Variants in PAK1 observed in about 807,000 individuals in gnomAD.
PAK1 encodes serine/threonine-protein kinase PAK 1.
A neutral mutation model predicts 67.4 loss-of-function variants in PAK1; 29 were observed. That is an observed-to-expected ratio of 0.43 (90% CI 0.32 to 0.59). The LOEUF is 0.59. PAK1 is among the 20% of genes least tolerant of loss of function. PAK1 has a pLI of 0.07. For synonymous variants in PAK1, 223 were observed against 237.4 expected (o/e 0.94, Z 0.56); for missense variants, 337 against 670.7 (o/e 0.50, Z 5.50).
chr11:77,437,400 T>C (rs72941685), intron 1 of PAK1, among the ~76,000 whole-genome samples: 1,539 of 152,304 alleles, frequency 0.01, 9 homozygotes, highest in Non-Finnish European at 0.015. Context: ...ATTATGAGGA[T>C]TAAATAAAGG....
chr11:77,401,745 C>T (rs1952714997), intron 1 of PAK1, among the ~76,000 whole-genome samples: 1 of 152,186 alleles, frequency 6.6e-6, no homozygotes, highest in Non-Finnish European at 1.5e-5. Context: ...GAAACCTTCA[C>T]AGAAGCCCCC....
chr11:77,326,544 G>A (rs1309139553), intron 14 of PAK1, among the ~76,000 whole-genome samples: 1 of 152,114 alleles, frequency 6.6e-6, no homozygotes, highest in Non-Finnish European at 1.5e-5. Context: ...AATTAGGCAG[G>A]TATGGTGGTG....
intron 11 of PAK1, among the ~76,000 whole-genome samples, chr11:77,339,159 C>T (rs1012023869): frequency 6.6e-6 from 1 of 152,096 alleles, no homozygotes; most frequent in Non-Finnish European, 1.5e-5. Flanking sequence ...ACAACATTAA[C>T]ATTTTTTTCC....
the PAK1 span, among the ~76,000 whole-genome samples, chr11:77,509,680 T>C: frequency 6.6e-6 from 1 of 152,164 alleles, no homozygotes; most frequent in African/African-American, 2.4e-5. Context: ...TTTGGCGCTG[T>C]CTTTGTGATC....
In PAK1 at chr11:77,358,944, GCAT is replaced by G. The variant is rs149665907; in HGVS notation, c.548_550del (p.Asp183del). On this transcript the variant is annotated inframe_deletion, in exon 6 of 15. Transcript: ENST00000356341. Reference sequence around the variant, plus strand: ...TGGAGCAATCACTGGTGGTGGGGTAGCATCATCATCATCATCATCCTCATCTTC... The same window carrying G: ...TGGAGCAATCACTGGTGGTGGGGTAGCATCATCATCATCATCCTCATCTTC... 92 of 1,609,980 alleles carry G rather than the reference GCAT, an allele frequency of 5.7e-5. No individual in the cohort carries two copies. The highest frequency in any genetic ancestry group is 1.7e-4 in the Middle Eastern group (1 of 6,060).
At chr11:77,511,671 C>A in the PAK1 span, among the ~76,000 whole-genome samples, 1 of 152,162 alleles carries the variant, frequency 6.6e-6, no homozygotes, top group Non-Finnish European at 1.5e-5. Context: ...CTGAATAGCA[C>A]TGAAACACAG....
chr11:77,382,659 T>C (rs1949982609), intron 2 of PAK1, among the ~76,000 whole-genome samples: 1 of 152,186 alleles, frequency 6.6e-6, no homozygotes, highest in Admixed American at 6.5e-5. Context: ...ACTTCTGAAT[T>C]TCAATACAGC....
At chr11:77,326,930 A>G (rs1466848964) in intron 14 of PAK1, among the ~76,000 whole-genome samples, 3 of 152,222 alleles carry the variant, frequency 2.0e-5, no homozygotes, top group Non-Finnish European at 4.4e-5. Context: ...AATGCAGACA[A>G]GTCCTTAAAG....
intron 1 of PAK1, among the ~76,000 whole-genome samples, chr11:77,470,995 A>T (rs556982268): frequency 1.6e-4 from 25 of 152,362 alleles, no homozygotes; most frequent in African/African-American, 5.5e-4. Flanking sequence ...ATTCCTATTC[A>T]TTCTGAGAAC....
chr11:77,506,567 G>A, the PAK1 span, among the ~76,000 whole-genome samples: 1 of 152,168 alleles, frequency 6.6e-6, no homozygotes, highest in African/African-American at 2.4e-5. Context: ...ACTACTGTAT[G>A]GAGAATGACA....
At chr11:77,437,549 G>A (rs918171461) in intron 1 of PAK1, among the ~76,000 whole-genome samples, 3 of 152,134 alleles carry the variant, frequency 2.0e-5, no homozygotes, top group Non-Finnish European at 4.4e-5. Flanking sequence ...CCTTCCAGGT[G>A]ACATTTGGCA....
intron 1 of PAK1, among the ~76,000 whole-genome samples, chr11:77,411,425 AG>A (rs1303697874): frequency 6.6e-6 from 1 of 151,750 alleles, no homozygotes; most frequent in African/African-American, 2.4e-5. Context: ...CAGTCCCAGC[AG>A]GCCAGCGACT....
chr11:77,363,555 C>T (rs961914853), intron 5 of PAK1, among the ~76,000 whole-genome samples: 3 of 152,250 alleles, frequency 2.0e-5, no homozygotes, highest in Non-Finnish European at 2.9e-5. Context: ...TTCACTTAGG[C>T]ACCATATTCT....
At chr11:77,332,119 C>T (rs1640532111) in intron 14 of PAK1, among the ~76,000 whole-genome samples, 2 of 151,232 alleles carry the variant, frequency 1.3e-5, no homozygotes, top group African/African-American at 2.4e-5. Context: ...GCACGGCCAA[C>T]ATAGCAAAAC....
the PAK1 span, among the ~76,000 whole-genome samples, chr11:77,499,550 C>A: frequency 6.6e-6 from 1 of 152,176 alleles, no homozygotes; most frequent in Admixed American, 6.5e-5. Flanking sequence ...CTTCTAGATC[C>A]AACCCATGAT....
intron 1 of PAK1, among the ~76,000 whole-genome samples, chr11:77,460,189 A>G (rs7949721): frequency 2.7e-5 from 4 of 148,388 alleles, no homozygotes; most frequent in Admixed American, 6.7e-5. Context: ...AAAAGGAAAA[A>G]GGGAGAGAGA....
chr11:77,393,784 C>A (rs1243228198), intron 1 of PAK1, among the ~76,000 whole-genome samples: 1 of 152,158 alleles, frequency 6.6e-6, no homozygotes, highest in Non-Finnish European at 1.5e-5. Flanking sequence ...AGGCGGATCA[C>A]TTGAGGTCAG....
At position 77,323,960 on chromosome 11, in the gene PAK1, T is replaced by C. The variant is rs190216764; in HGVS notation, c.1552-600A>G. 8.7e-3 allele frequency among the ~76,000 whole-genome samples: 1,329 copies of C among 152,320 alleles called. 8 individuals are homozygous for C. Among genetic ancestry groups the C allele is most frequent in the Non-Finnish European group, 0.013 (879 of 68,020 alleles). On this transcript the variant is annotated intron_variant, in intron 14 of 14. Transcript: ENST00000356341. Reference sequence around the variant, plus strand: ...AGTAGTATATCGCAATACTGCATTTTAGGAGCATTGATCTAGGAATTTATT... The same window carrying C: ...AGTAGTATATCGCAATACTGCATTTCAGGAGCATTGATCTAGGAATTTATT...
intron 6 of PAK1, chr11:77,356,262 C>T (rs1946022838): frequency 6.4e-6 from 1 of 155,386 alleles, no homozygotes; most frequent in African/African-American, 2.4e-5. Flanking sequence ...GTAAGAATCC[C>T]CTTCATTTGT....
Sources: allele counts gnomAD v4.1 joint callset (sites outside exome capture counted in the v4.1 genomes callset), GRCh38; gene constraint gnomAD v4.1.1; transcripts MANE v1.5; gene names NCBI Gene and HGNC (gene_info 2026-07-23, HGNC 2026-07-21).